GNG2: variants seen among roughly 807,000 people sequenced by gnomAD.
The protein encoded by GNG2 is guanine nucleotide-binding protein G(I)/G(S)/G(O) subunit gamma-2.
In GNG2, 5 loss-of-function variants were observed where a neutral mutation model predicts 5.5. The observed-to-expected ratio is 0.91, with a 90% confidence interval of 0.48 to 1.92. The LOEUF (loss-of-function observed/expected upper bound fraction) is 1.92. Ranked by LOEUF, GNG2 falls within the 30% of genes most tolerant of loss-of-function variation. GNG2 has a pLI of 0.01. For synonymous variants in GNG2, 28 were observed against 32.0 expected (o/e 0.88, Z 0.42); for missense variants, 55 against 88.4 (o/e 0.62, Z 1.52).
chr14:51,956,625 A>G (rs1317432929), intron 3 of GNG2, among the ~76,000 whole-genome samples: 2 of 152,176 alleles, frequency 1.3e-5, no homozygotes, highest in Non-Finnish European at 2.9e-5. Context: ...TCCTTTCAAA[A>G]CACAAATTAA....
intron 1 of GNG2, among the ~76,000 whole-genome samples, chr14:51,875,219 T>C (rs532103395): frequency 6.6e-6 from 1 of 152,348 alleles, no homozygotes; most frequent in Admixed American, 6.5e-5. Context: ...ATCCTGTTTT[T>C]CTATCATTCC....
chr14:51,965,494 T>C (rs1454472631), intron 3 of GNG2, among the ~76,000 whole-genome samples: 1 of 152,118 alleles, frequency 6.6e-6, no homozygotes, highest in Non-Finnish European at 1.5e-5. Flanking sequence ...GTGAAGATGG[T>C]TGAAGGAAGG....
At chr14:51,861,698 A>G (rs1260767736) in intron 1 of GNG2, among the ~76,000 whole-genome samples, 1 of 152,226 alleles carries the variant, frequency 6.6e-6, no homozygotes. Flanking sequence ...ACTTGTTCAT[A>G]TTTATGAATG....
chr14:51,904,738 T>C (rs966082734), intron 2 of GNG2, among the ~76,000 whole-genome samples: 1 of 152,226 alleles, frequency 6.6e-6, no homozygotes, highest in African/African-American at 2.4e-5. Context: ...ACTAAAGGTG[T>C]TTGTGTCCAC....
chr14:51,869,160 T>A (rs1040972590), intron 1 of GNG2, among the ~76,000 whole-genome samples: 2 of 152,222 alleles, frequency 1.3e-5, no homozygotes, highest in African/African-American at 4.8e-5. Flanking sequence ...GAACATTTGT[T>A]AGGCATTCAG....
chr14:51,854,925 G>T (rs1013415476), intron 2 of GNG2, among the ~76,000 whole-genome samples: 1 of 152,020 alleles, frequency 6.6e-6, no homozygotes, highest in African/African-American at 2.4e-5. Context: ...AAGACCTCAG[G>T]CTTCATGGTT....
intron 2 of GNG2, chr14:51,841,599 A>G (rs1432928958): frequency 2.9e-6 from 2 of 696,700 alleles, no homozygotes; most frequent in Non-Finnish European, 5.2e-6. Context: ...GTCCACAGTA[A>G]TATTTCAACA....
At chr14:51,918,193 C>T (rs1220597726) in intron 2 of GNG2, among the ~76,000 whole-genome samples, 6 of 152,070 alleles carry the variant, frequency 3.9e-5, no homozygotes, top group Non-Finnish European at 5.9e-5. Flanking sequence ...AAGACACCTG[C>T]GGAGGTGGTG....
chr14:51,875,767 ATAT>A (rs1459905777), intron 1 of GNG2, among the ~76,000 whole-genome samples: 1 of 150,658 alleles, frequency 6.6e-6, no homozygotes, highest in Non-Finnish European at 1.5e-5. Flanking sequence ...ACTATATATA[ATAT>A]TTTATATTTT....
upstream of GNG2, among the ~76,000 whole-genome samples, chr14:51,857,721 G>C (rs887571969): frequency 2.0e-5 from 3 of 152,190 alleles, no homozygotes; most frequent in African/African-American, 7.2e-5. Context: ...AGGAAAGGAA[G>C]AGGAACTTTA....
chr14:51,960,424 T>C lies in GNG2; in HGVS notation c.88-6135T>C, dbSNP rs1293301083. Reference sequence around the variant, plus strand: ...GTGGACAATATTAACAATTGTTATTTTAACAATATTCGTGTCTATAAATCT... The same window carrying C: ...GTGGACAATATTAACAATTGTTATTCTAACAATATTCGTGTCTATAAATCT... On this transcript the variant is annotated intron_variant, in intron 3 of 3. Transcript: ENST00000556766. 2.0e-5 allele frequency among the ~76,000 whole-genome samples: 3 copies of C among 152,134 alleles called. No homozygotes were observed. In the South Asian group the frequency reaches 6.2e-4, roughly 32 times the overall value.
chr14:51,962,666 T>C (rs565607162), intron 3 of GNG2, among the ~76,000 whole-genome samples: 12 of 152,256 alleles, frequency 7.9e-5, no homozygotes, highest in Non-Finnish European at 1.5e-4. Flanking sequence ...GGAGCCAAAT[T>C]TGAGATATCT....
rs756184987 is a variant in GNG2, at chr14:51,935,022, TTTC to T, written c.-29-15625_-29-15623del. ...TAGGTGGAAATTCCAGCCCAGTTTC[TTTC>T]TTTTTTTTTTTTTTTTGGAGACGGA... On this transcript the variant is annotated intron_variant, in intron 2 of 3. Coordinates refer to ENST00000556766, the MANE Select transcript of GNG2 (RefSeq NM_053064.5). Among the ~76,000 whole-genome samples, 46 of 82,140 alleles carry T rather than the reference TTTC, an allele frequency of 5.6e-4. 12 individuals carry two copies. Among genetic ancestry groups the T allele is most frequent in the South Asian group, 1.7e-3 (4 of 2,396 alleles). 53.9% of individuals were successfully genotyped at this position (82,140 alleles called of 152,430 possible). A position where few individuals can be genotyped will look rare whatever the true frequency, so the allele number is the denominator to read the frequency against.
chr14:51,831,911 A>ATT (rs1176299897), intron 2 of GNG2, among the ~76,000 whole-genome samples: 1 of 152,222 alleles, frequency 6.6e-6, no homozygotes, highest in Admixed American at 6.5e-5. Context: ...CAAAAGTATT[A>ATT]TTTTCAAAAT....
intron 2 of GNG2, chr14:51,916,400 T>C (rs995816487): frequency 1.1e-5 from 5 of 441,170 alleles, no homozygotes; most frequent in African/African-American, 1.0e-4. Context: ...ACGTGCACAT[T>C]GGCTTCCCAC....
intron 1 of GNG2, among the ~76,000 whole-genome samples, chr14:51,863,067 A>G (rs1882633934): frequency 6.7e-6 from 1 of 149,874 alleles, no homozygotes; most frequent in Admixed American, 6.7e-5. Context: ...TGGGCCTCAT[A>G]TGGTGGACAT....
chr14:51,837,096 T>G (rs1179420994), intron 2 of GNG2, among the ~76,000 whole-genome samples: 9 of 151,908 alleles, frequency 5.9e-5, no homozygotes, highest in Admixed American at 5.9e-4. Flanking sequence ...TGACCTCAGG[T>G]GATCCACCCG....
chr14:51,943,258 G>T (rs1222950680), intron 2 of GNG2, among the ~76,000 whole-genome samples: 1 of 152,116 alleles, frequency 6.6e-6, no homozygotes, highest in African/African-American at 2.4e-5. Context: ...GTTTTTTGTT[G>T]TTGTTGTCAT....
At chr14:51,925,040 G>C (rs1289371215) in intron 2 of GNG2, among the ~76,000 whole-genome samples, 4 of 152,178 alleles carry the variant, frequency 2.6e-5, no homozygotes, top group Non-Finnish European at 5.9e-5. Flanking sequence ...ATAAGTTCCA[G>C]TGTTCCATAG....
Sources: allele counts gnomAD v4.1 joint callset (sites outside exome capture counted in the v4.1 genomes callset), GRCh38; gene constraint gnomAD v4.1.1; transcripts MANE v1.5; gene names NCBI Gene and HGNC (gene_info 2026-07-23, HGNC 2026-07-21).